SLC27A6: variants seen among roughly 807,000 people sequenced by gnomAD.
SLC27A6 encodes the protein solute carrier family 27 member 6.
In SLC27A6, 74 loss-of-function variants were observed where a neutral mutation model predicts 63.9. The observed-to-expected ratio is 1.16, with a 90% confidence interval of 0.96 to 1.40. The LOEUF (loss-of-function observed/expected upper bound fraction) is 1.40, where lower values mean the gene tolerates loss of function less well. Ranked by LOEUF, SLC27A6 falls within the 40% of genes most tolerant of loss-of-function variation. The probability of loss-of-function intolerance (pLI) is 0.00; values close to 1 mark genes in which losing one functional copy is unlikely to be tolerated. For synonymous variants in SLC27A6, 287 were observed against 260.8 expected (o/e 1.10, Z -0.97); for missense variants, 794 against 732.9 (o/e 1.08, Z -0.96).
rs534049054 is a variant in SLC27A6, at chr5:128,981,600, C to T, written c.482-3533C>T. Among the ~76,000 whole-genome samples, 14 of 152,148 alleles carry T rather than the reference C, an allele frequency of 9.2e-5. No individual in the cohort carries two copies. In the South Asian group the frequency reaches 2.5e-3, roughly 27 times the overall value. On this transcript the variant is annotated intron_variant, in intron 1 of 9. Transcript: ENST00000262462. ...CTATCTAGCACCTAATGGCATGCGG[C>T]CAGGTAGAGTGAGCAGAAGGATGGA...
intron 1 of SLC27A6, among the ~76,000 whole-genome samples, chr5:128,975,693 G>T (rs1280145379): frequency 6.6e-6 from 1 of 152,180 alleles, no homozygotes; most frequent in Non-Finnish European, 1.5e-5. Flanking sequence ...GTTAATGACA[G>T]AGTTAGGATT....
intron 1 of SLC27A6, among the ~76,000 whole-genome samples, chr5:128,970,115 C>A (rs1750081174): frequency 2.7e-5 from 4 of 147,740 alleles, no homozygotes; most frequent in Admixed American, 2.7e-4. Context: ...GGATGAAGCC[C>A]ACTTGATCAT....
intron 1 of SLC27A6, among the ~76,000 whole-genome samples, chr5:128,970,920 C>T (rs1275802171): frequency 1.3e-5 from 2 of 152,286 alleles, no homozygotes; most frequent in African/African-American, 4.8e-5. Flanking sequence ...CCTCTACACA[C>T]TGCTTTAAAT....
intron 8 of SLC27A6, 36 bp from the exon 9 acceptor site, chr5:129,029,541 T>C: frequency 7.1e-7 from 1 of 1,416,846 alleles, no homozygotes; most frequent in Non-Finnish European, 9.7e-7. Context: ...GTTTATTTGG[T>C]ACTTAAAAAT....
At position 128,991,251 on chromosome 5, in the gene SLC27A6, C is replaced by A. The variant is rs541357270; in HGVS notation, c.969+787C>A. ...GGCCGGGTGTGAGCTGAGTTACAAG[C>A]CCCATGTTTAAAGGTAGGTGCAGTC... On this transcript the variant is annotated intron_variant, in intron 4 of 9. Transcript: ENST00000262462. 2.6e-5 allele frequency among the ~76,000 whole-genome samples: 4 copies of A among 152,254 alleles called. No homozygotes were observed. The East Asian group carries it at 7.7e-4, about 29-fold the overall frequency.
chr5:128,999,971 A>T (rs1377635950), intron 4 of SLC27A6, among the ~76,000 whole-genome samples: 1 of 152,206 alleles, frequency 6.6e-6, no homozygotes, highest in Non-Finnish European at 1.5e-5. Flanking sequence ...AGAGCAGGGG[A>T]AAAGACTGGT....
intron 4 of SLC27A6, among the ~76,000 whole-genome samples, chr5:128,999,609 G>T (rs916948278): frequency 6.6e-6 from 1 of 152,034 alleles, no homozygotes; most frequent in Non-Finnish European, 1.5e-5. Context: ...CTCAAAAATA[G>T]CCAAAGTCCA....
intron 1 of SLC27A6, among the ~76,000 whole-genome samples, chr5:128,984,642 C>T (rs935615057): frequency 1.3e-5 from 2 of 152,204 alleles, no homozygotes; most frequent in Admixed American, 6.5e-5. Context: ...CACTTAACTT[C>T]TGGCTTTGGA....
At chr5:129,005,698 C>T (rs1206246703) in intron 4 of SLC27A6, among the ~76,000 whole-genome samples, 2 of 149,198 alleles carry the variant, frequency 1.3e-5, no homozygotes, top group Non-Finnish European at 3.0e-5. Flanking sequence ...CTGCAAGCTC[C>T]GCCTCCTGGG....
chr5:128,974,963 G>A (rs998344245), intron 1 of SLC27A6, among the ~76,000 whole-genome samples: 1 of 152,178 alleles, frequency 6.6e-6, no homozygotes, highest in Admixed American at 6.5e-5. Context: ...TTTAATAAGG[G>A]ATCTCATTTG....
intron 4 of SLC27A6, among the ~76,000 whole-genome samples, chr5:128,999,831 T>C (rs557639892): frequency 6.6e-6 from 1 of 152,262 alleles, no homozygotes; most frequent in South Asian, 2.1e-4. Flanking sequence ...ACCAACTTGA[T>C]GGGCTCCCTA....
At chr5:128,996,848 A>G (rs1288891600) in intron 4 of SLC27A6, among the ~76,000 whole-genome samples, 1 of 152,178 alleles carries the variant, frequency 6.6e-6, no homozygotes, top group Non-Finnish European at 1.5e-5. Flanking sequence ...TGATCTTCGT[A>G]TCTTGAACTT....
intron 1 of SLC27A6, among the ~76,000 whole-genome samples, chr5:128,969,364 A>G (rs1204863831): frequency 6.6e-6 from 1 of 152,130 alleles, no homozygotes; most frequent in Non-Finnish European, 1.5e-5. Flanking sequence ...CAGTATGGCC[A>G]TTTTCATGAT....
At chr5:128,988,264 G>C (rs1327283519) in intron 2 of SLC27A6, among the ~76,000 whole-genome samples, 1 of 152,108 alleles carries the variant, frequency 6.6e-6, no homozygotes, top group Non-Finnish European at 1.5e-5. Context: ...CCTCCCAAAT[G>C]CTCTTTATCA....
At chr5:129,004,699 A>T (rs1055667244) in intron 4 of SLC27A6, among the ~76,000 whole-genome samples, 1 of 152,210 alleles carries the variant, frequency 6.6e-6, no homozygotes, top group Admixed American at 6.6e-5. Flanking sequence ...TGAGAAGTGG[A>T]GTTTTAAAAA....
chr5:128,982,709 C>T (rs1750636927), intron 1 of SLC27A6, among the ~76,000 whole-genome samples: 1 of 152,182 alleles, frequency 6.6e-6, no homozygotes, highest in Non-Finnish European at 1.5e-5. Flanking sequence ...ATGTTTCTAA[C>T]TTGTCACTCC....
chr5:129,008,456 C>T (rs552400150), intron 4 of SLC27A6, among the ~76,000 whole-genome samples: 1 of 152,256 alleles, frequency 6.6e-6, no homozygotes, highest in East Asian at 1.9e-4. Context: ...CAGAGAATGC[C>T]AAGGCATCTT....
chr5:129,017,494 A>G (rs1751941798), intron 5 of SLC27A6, among the ~76,000 whole-genome samples: 1 of 152,146 alleles, frequency 6.6e-6, no homozygotes, highest in Non-Finnish European at 1.5e-5. Context: ...TTAAAAGGAC[A>G]ACTAAAATAA....
intron 8 of SLC27A6, among the ~76,000 whole-genome samples, 157 bp from the exon 9 acceptor site, chr5:129,029,420 A>G (rs890657717): frequency 6.6e-6 from 1 of 152,070 alleles, no homozygotes; most frequent in Non-Finnish European, 1.5e-5. Flanking sequence ...GGTAAATCAT[A>G]TGTTCAGGGA....
Sources: gnomAD v4.1 joint callset for allele counts (sites outside exome capture counted in the v4.1 genomes callset) on GRCh38, gnomAD v4.1.1 for gene constraint, MANE v1.5 for transcripts, NCBI Gene and HGNC (gene_info 2026-07-23, HGNC 2026-07-21) for gene names.